MTHFD1L: variants seen among roughly 807,000 people sequenced by gnomAD.
MTHFD1L encodes monofunctional C1-tetrahydrofolate synthase, mitochondrial.
A neutral mutation model predicts 119.5 loss-of-function variants in MTHFD1L; 81 were observed. The ratio of observed to expected loss-of-function variants is 0.68; its 90% CI spans 0.57 to 0.82. The LOEUF (loss-of-function observed/expected upper bound fraction) is 0.82. Among genes scored for constraint, MTHFD1L ranks in the 40% least tolerant of loss-of-function variants. The probability of loss-of-function intolerance (pLI) is 0.00; values close to 1 mark genes in which losing one functional copy is unlikely to be tolerated. For missense variants in MTHFD1L, 1,125 were observed against 1,253.4 expected, an observed-to-expected ratio of 0.90 and a Z score of 1.55; for synonymous variants, 430 against 475.2, an observed-to-expected ratio of 0.90 and a Z score of 1.24.
At chr6:150,885,924 C>T (rs1782173578) in intron 6 of MTHFD1L, among the ~76,000 whole-genome samples, 190 bp downstream of exon 6, 2 of 152,056 alleles carry the variant, frequency 1.3e-5, no homozygotes, top group African/African-American at 4.8e-5. Context: ...TTATTTTTCT[C>T]ATCTTTTGGG....
intron 20 of MTHFD1L, among the ~76,000 whole-genome samples, chr6:151,008,563 A>G (rs1278902875): frequency 6.6e-6 from 1 of 152,170 alleles, no homozygotes. Context: ...TCACGCATTG[A>G]GCAGCAAGGT....
At position 151,009,847 on chromosome 6, in the gene MTHFD1L, C is replaced by T. The variant is rs568662497; in HGVS notation, c.2154C>T (p.Ile718=). ...VVTEAGFGAD[I]GMEKFFNIKC... is the part of the protein sequence containing the mutation. The stretch of plus-strand genomic sequence containing the variant: ...CCGAAGCTGGCTTTGGTGCTGACAT[C>T]GGAATGGAGAAATTCTTCAACATCA... Residue 718 remains isoleucine (I), a synonymous_variant, in exon 21 of 28, where the codon ATC becomes ATT. Transcript: ENST00000367321. 23 of 1,613,798 alleles carry T rather than the reference C, an allele frequency of 1.4e-5. No individual in the cohort carries two copies. The highest frequency in any genetic ancestry group is 6.7e-5 in the African/African-American group (5 of 75,018).
intron 8 of MTHFD1L, among the ~76,000 whole-genome samples, chr6:150,910,990 C>T (rs144884248): frequency 9.7e-4 from 147 of 152,318 alleles, no homozygotes; most frequent in African/African-American, 3.4e-3. Flanking sequence ...TTGCTTGTGA[C>T]TCTTGAACTT....
chr6:150,899,993 A>T lies in MTHFD1L; in HGVS notation c.781-5657A>T, dbSNP rs111615421. Among the ~76,000 whole-genome samples the T allele has an allele frequency of 1.3e-3, 189 of 147,876 alleles. 2 individuals are homozygous for T. Among genetic ancestry groups the T allele is most frequent in the African/African-American group, 4.2e-3 (171 of 40,808 alleles). On this transcript the variant is annotated intron_variant, in intron 7 of 27. Coordinates refer to ENST00000367321, the MANE Select transcript of MTHFD1L (RefSeq NM_015440.5). Reference sequence around the variant, plus strand: ...CTCAAAAAAAAATAGATATATATATATTTTTTATATTATATTATATATTAT... The same window carrying T: ...CTCAAAAAAAAATAGATATATATATTTTTTTTATATTATATTATATATTAT...
At chr6:150,985,202 T>C (rs1168117124) in intron 20 of MTHFD1L, 1 of 152,238 alleles carries the variant, frequency 6.6e-6, no homozygotes, top group Non-Finnish European at 1.5e-5. Flanking sequence ...AAGTGCTGAA[T>C]ACCTCTGTGA....
rs779893572 is a variant in MTHFD1L, at chr6:150,972,007, G to C, written c.2074G>C (p.Val692Leu). 1.2e-6 allele frequency: 2 copies of C among 1,614,144 alleles called. No homozygotes were observed. Among genetic ancestry groups the C allele is most frequent in the Non-Finnish European group, 8.5e-7 (1 of 1,180,018 alleles). Residue 692 changes from valine to leucine, a missense_variant, in exon 20 of 28, where the codon GTG becomes CTG. Val to Leu is a conservative substitution (Grantham distance 32). Around this residue, in one of 3 missense-constraint regions of MTHFD1L, gnomAD observed 1,058 missense variants for 1,151.2 expected, o/e 0.92. Coordinates refer to ENST00000367321, the MANE Select transcript of MTHFD1L (RefSeq NM_015440.5). ...TAACATTGCTCACGGCAACTCTTCA[G>C]TGTTGGCTGATAAAATTGCCCTGAA... ...FANIAHGNSSVLADKIALKLV... is the reference protein window; with the variant it reads ...FANIAHGNSSLLADKIALKLV...
chr6:150,984,565 A>G (rs1777990677), intron 20 of MTHFD1L, among the ~76,000 whole-genome samples: 1 of 147,010 alleles, frequency 6.8e-6, no homozygotes, highest in South Asian at 2.2e-4. Context: ...GGAACCAAAA[A>G]CAAGGGAAAA....
At chr6:151,009,995 T>A (rs1781998754) in intron 21 of MTHFD1L, 37 bp downstream of exon 21, 10 of 1,540,740 alleles carry the variant, frequency 6.5e-6, no homozygotes, top group African/African-American at 1.4e-5. Context: ...ACCAAAGAAA[T>A]TTCATTATGT....
intron 27 of MTHFD1L, among the ~76,000 whole-genome samples, chr6:151,092,859 G>A (rs1047945661): frequency 3.3e-5 from 5 of 152,114 alleles, no homozygotes; most frequent in Admixed American, 6.5e-5. Context: ...ATATAGATGT[G>A]TTTAGAGCAT....
At chr6:150,924,537 T>C (rs1485759379) in intron 10 of MTHFD1L, among the ~76,000 whole-genome samples, 1 of 152,038 alleles carries the variant, frequency 6.6e-6, no homozygotes, top group Non-Finnish European at 1.5e-5. Flanking sequence ...AGTGCAGTGG[T>C]GCAATCTCAG....
chr6:150,917,431 G>A (rs552810228), intron 8 of MTHFD1L, among the ~76,000 whole-genome samples: 7 of 152,006 alleles, frequency 4.6e-5, no homozygotes, highest in Middle Eastern at 6.8e-3. Flanking sequence ...TGGAGGTTGC[G>A]GTGAGCTGAG....
At chr6:150,876,362 T>C (rs1467161909) in intron 2 of MTHFD1L, among the ~76,000 whole-genome samples, 188 bp downstream of exon 2, 1 of 152,198 alleles carries the variant, frequency 6.6e-6, no homozygotes, top group Non-Finnish European at 1.5e-5. Flanking sequence ...GTGTGTCTTC[T>C]TTTGTGAATT....
In MTHFD1L at chr6:151,061,836, C is replaced by T. The variant is rs369604642; in HGVS notation, c.2847+24719C>T. Among the ~76,000 whole-genome samples, 8 of 152,154 alleles carry T rather than the reference C, an allele frequency of 5.3e-5. No homozygotes were observed. In the East Asian group the frequency reaches 1.3e-3, roughly 26 times the overall value. On this transcript the variant is annotated intron_variant, in intron 26 of 27. Coordinates refer to ENST00000367321, the MANE Select transcript of MTHFD1L (RefSeq NM_015440.5). ...AAAAATGAGAAAACTGAGTCCCCAG[C>T]GATGTGGCTTGGTTGCACATTTTTC...
intron 9 of MTHFD1L, among the ~76,000 whole-genome samples, chr6:150,920,770 T>C (rs115194634): frequency 0.013 from 1,876 of 148,010 alleles, 54 homozygotes; most frequent in African/African-American, 0.043. Context: ...TTAATCTATT[T>C]ATTTATTTAT....
intron 20 of MTHFD1L, among the ~76,000 whole-genome samples, chr6:151,000,891 A>C (rs767093246): frequency 6.6e-6 from 1 of 152,200 alleles, no homozygotes; most frequent in Non-Finnish European, 1.5e-5. Context: ...TCCAGCATAC[A>C]CCTTGCTTGT....
rs978285911 is a variant in MTHFD1L, at chr6:151,084,438, G to A, written c.2848-8029G>A. Among the ~76,000 whole-genome samples the A allele has an allele frequency of 9.2e-5, 14 of 152,220 alleles. No homozygotes were observed. In the East Asian group the frequency reaches 1.4e-3, roughly 15 times the overall value. On this transcript the variant is annotated intron_variant, in intron 26 of 27. Transcript: ENST00000367321. ...TGGAAGTAATGTAATACCTGGGGTCGGGGCTGGGGGAAGCTTTCTAAGTAC... is the reference window on the plus strand; with the variant it reads ...TGGAAGTAATGTAATACCTGGGGTCAGGGCTGGGGGAAGCTTTCTAAGTAC...
At chr6:151,006,337 G>A (rs1055532455) in intron 20 of MTHFD1L, among the ~76,000 whole-genome samples, 1 of 152,176 alleles carries the variant, frequency 6.6e-6, no homozygotes, top group Non-Finnish European at 1.5e-5. Context: ...CATGGGAAAA[G>A]AGGTCTGGAG....
chr6:150,966,233 G>GCCTC (rs1797194180), intron 19 of MTHFD1L, among the ~76,000 whole-genome samples: 1 of 152,174 alleles, frequency 6.6e-6, no homozygotes. Flanking sequence ...GGCTGTACAG[G>GCCTC]AAGCATGGCT....
chr6:150,964,857 G>T (rs117559482), intron 18 of MTHFD1L, 112 bp from the exon 19 acceptor site: 85,202 of 882,448 alleles, frequency 0.097, 4,863 homozygotes, highest in Non-Finnish European at 0.12. Flanking sequence ...GTGGCCCAGG[G>T]TTGCCTGTGG....
Sources: allele counts gnomAD v4.1 joint callset (sites outside exome capture counted in the v4.1 genomes callset), GRCh38; gene constraint gnomAD v4.1.1; regional missense constraint gnomAD v4.1.1; transcripts MANE v1.5; gene names NCBI Gene and HGNC (gene_info 2026-07-23, HGNC 2026-07-21).